The following KCNQ3 variants were observed in gnomAD, a reference collection of about 807,000 sequenced individuals.
KCNQ3 encodes potassium voltage-gated channel subfamily Q member 3, also known as potassium voltage-gated channel subfamily KQT member 3.
Under a neutral mutation model 92.5 loss-of-function variants are expected in KCNQ3, and 30 were observed. That is an observed-to-expected ratio of 0.32 (90% CI 0.24 to 0.44). The LOEUF (loss-of-function observed/expected upper bound fraction) is 0.44. Ranked by LOEUF, KCNQ3 falls within the 20% of genes least tolerant of loss-of-function variation. KCNQ3 has a pLI of 1.00. For synonymous variants in KCNQ3, 450 were observed against 468.8 expected (o/e 0.96, Z 0.52); for missense variants, 913 against 1,140.3 (o/e 0.80, Z 2.87).
intron 1 of KCNQ3, among the ~76,000 whole-genome samples, chr8:132,282,153 T>A (rs1816540705): frequency 6.6e-6 from 1 of 152,158 alleles, no homozygotes; most frequent in South Asian, 2.1e-4. Flanking sequence ...CACCATGAGA[T>A]AAAGAACTGG....
intron 1 of KCNQ3, among the ~76,000 whole-genome samples, chr8:132,313,025 C>A (rs1817639996): frequency 6.6e-6 from 1 of 152,202 alleles, no homozygotes; most frequent in Admixed American, 6.5e-5. Context: ...TGCACATCAA[C>A]CTTCCAGCCG....
intron 1 of KCNQ3, among the ~76,000 whole-genome samples, chr8:132,207,705 CTTTT>C (rs11341211): frequency 2.7e-5 from 4 of 146,214 alleles, no homozygotes; most frequent in African/African-American, 1.0e-4. Flanking sequence ...ACATCTCAGA[CTTTT>C]TTTTTTTTAT....
At chr8:132,434,207 C>CAAA (rs546958236) in intron 1 of KCNQ3, among the ~76,000 whole-genome samples, 6 of 130,704 alleles carry the variant, frequency 4.6e-5, no homozygotes, top group Admixed American at 1.6e-4. Context: ...GACTCCGTCT[C>CAAA]AAAAAAAAAA....
rs78524132 is a variant in KCNQ3 at position 132,284,813 on chromosome 8, T to C, written c.387-98632A>G. On this transcript the variant is annotated intron_variant, in intron 1 of 14. Transcript: ENST00000388996. ...TGCCGTTAAGGGGTGACTAGGTCATTAACATGGATTAATGTCTTTCTCATA... is the reference window on the plus strand; with the variant it reads ...TGCCGTTAAGGGGTGACTAGGTCATCAACATGGATTAATGTCTTTCTCATA... Among the ~76,000 whole-genome samples the C allele has an allele frequency of 8.0e-4, 122 of 152,332 alleles. 1 individual carries two copies. Among genetic ancestry groups the C allele is most frequent in the African/African-American group, 2.9e-3 (120 of 41,580 alleles).
At chr8:132,418,717 C>T (rs1482894409) in intron 1 of KCNQ3, among the ~76,000 whole-genome samples, 1 of 152,146 alleles carries the variant, frequency 6.6e-6, no homozygotes, top group Non-Finnish European at 1.5e-5. Flanking sequence ...GCTGGAGAAG[C>T]AGAGGGTGCA....
At chr8:132,466,549 T>C (rs1330524882) in intron 1 of KCNQ3, among the ~76,000 whole-genome samples, 1 of 152,148 alleles carries the variant, frequency 6.6e-6, no homozygotes, top group Non-Finnish European at 1.5e-5. Context: ...CCAGGGTCCC[T>C]AGGAAGACTA....
At position 132,220,963 on chromosome 8, in the gene KCNQ3, C is replaced by G. The variant is rs1034133147; in HGVS notation, c.387-34782G>C. Among the ~76,000 whole-genome samples, 3 of 152,068 alleles carry G rather than the reference C, an allele frequency of 2.0e-5. No individual in the cohort carries two copies. The East Asian group carries it at 5.8e-4, about 29-fold the overall frequency. ...GTATTTCTTCTAATGTGATCCCTCC[C>G]CCTGCTCTCCACCCCATGACAGGCC... On this transcript the variant is annotated intron_variant, in intron 1 of 14. Coordinates refer to ENST00000388996, the MANE Select transcript of KCNQ3 (RefSeq NM_004519.4).
At chr8:132,251,556 CTGT>C (rs1299023664) in intron 1 of KCNQ3, among the ~76,000 whole-genome samples, 3 of 152,142 alleles carry the variant, frequency 2.0e-5, no homozygotes, top group African/African-American at 7.2e-5. Flanking sequence ...TGATGTGTTC[CTGT>C]TGTTGTGTTG....
chr8:132,449,106 C>T (rs1165838434), intron 1 of KCNQ3, among the ~76,000 whole-genome samples: 5 of 152,162 alleles, frequency 3.3e-5, no homozygotes. Context: ...TAATGAAATT[C>T]AGTTTAACAG....
chr8:132,390,174 A>G (rs193195338), intron 1 of KCNQ3, among the ~76,000 whole-genome samples: 21 of 152,302 alleles, frequency 1.4e-4, no homozygotes, highest in African/African-American at 5.1e-4. Flanking sequence ...CACCTTCTAT[A>G]TGTGGTTCCA....
intron 1 of KCNQ3, among the ~76,000 whole-genome samples, chr8:132,338,884 C>A (rs940290525): frequency 1.3e-5 from 2 of 152,212 alleles, no homozygotes; most frequent in Non-Finnish European, 2.9e-5. Flanking sequence ...TGAGCCTTCT[C>A]TTAATGGGGC....
In KCNQ3 at chr8:132,122,741, C is replaced by A. The variant is rs1383628302; in HGVS notation, c.*6521G>T. 6.6e-6 allele frequency: 1 copy of A among 152,160 alleles called. No homozygotes were observed. The highest frequency in any genetic ancestry group is 1.9e-4 in the East Asian group (1 of 5,196). The allele number at this position is 152,160 out of a possible 1,614,324, so 9.4% of individuals were successfully genotyped here. A position where few individuals can be genotyped will look rare whatever the true frequency, so the allele number is the denominator to read the frequency against. On this transcript the variant is annotated 3_prime_UTR_variant, in exon 15 of 15. Transcript: ENST00000388996. The stretch of plus-strand genomic sequence containing the variant: ...CCTGACTCAGGAGAACTGAAACATC[C>A]TACCACAGGGATTCACAAGGACTGC...
intron 1 of KCNQ3, among the ~76,000 whole-genome samples, chr8:132,453,728 T>C (rs1821877272): frequency 6.6e-6 from 1 of 151,944 alleles, no homozygotes; most frequent in Non-Finnish European, 1.5e-5. Flanking sequence ...AAACCTGGAG[T>C]AGAATCCACA....
intron 1 of KCNQ3, among the ~76,000 whole-genome samples, chr8:132,353,612 G>A (rs1196729749): frequency 1.3e-5 from 2 of 152,028 alleles, no homozygotes; most frequent in Non-Finnish European, 1.5e-5. Context: ...TCAGGAGTTC[G>A]AAACCAGCCT....
intron 1 of KCNQ3, among the ~76,000 whole-genome samples, chr8:132,294,184 G>C (rs987874622): frequency 3.3e-5 from 5 of 151,986 alleles, no homozygotes; most frequent in African/African-American, 1.2e-4. Flanking sequence ...TGTATTTTTA[G>C]TAGAGACAGG....
At chr8:132,383,843 T>A (rs1819821826) in intron 1 of KCNQ3, among the ~76,000 whole-genome samples, 1 of 152,204 alleles carries the variant, frequency 6.6e-6, no homozygotes, top group Admixed American at 6.5e-5. Flanking sequence ...AAACTGTGCC[T>A]CTACAACATC....
At chr8:132,438,651 G>C (rs541024547) in intron 1 of KCNQ3, among the ~76,000 whole-genome samples, 123 of 151,850 alleles carry the variant, frequency 8.1e-4, no homozygotes, top group African/African-American at 2.8e-3. Context: ...CCCTGGCTTG[G>C]GTGGTCTGGT....
At chr8:132,246,628 T>A (rs1184027814) in intron 1 of KCNQ3, among the ~76,000 whole-genome samples, 5 of 152,250 alleles carry the variant, frequency 3.3e-5, no homozygotes, top group Admixed American at 6.5e-5. Context: ...TGTTACAGTC[T>A]GTGCATTTAC....
intron 1 of KCNQ3, among the ~76,000 whole-genome samples, chr8:132,220,373 C>A (rs1285856424): frequency 6.6e-6 from 1 of 152,200 alleles, no homozygotes; most frequent in Non-Finnish European, 1.5e-5. Context: ...GTTCTCCAGA[C>A]ATGATAAAAT....
Sources: allele counts gnomAD v4.1 joint callset (sites outside exome capture counted in the v4.1 genomes callset), GRCh38; gene constraint gnomAD v4.1.1; transcripts MANE v1.5; gene names NCBI Gene and HGNC (gene_info 2026-07-23, HGNC 2026-07-21).